The following NOVA1 variants were observed in gnomAD, a reference collection of about 807,000 sequenced individuals.
The protein encoded by NOVA1 is NOVA alternative splicing regulator 1, also known as RNA-binding protein Nova-1.
NOVA1 carries 7 observed loss-of-function variants against 38.0 expected under a neutral mutation model. The ratio of observed to expected loss-of-function variants is 0.18; its 90% CI spans 0.10 to 0.35. NOVA1 has a LOEUF of 0.35. Ranked by LOEUF, NOVA1 falls within the 10% of genes least tolerant of loss-of-function variation. NOVA1 has a pLI of 1.00. For missense variants in NOVA1, 460 were observed against 616.0 expected (o/e 0.75, Z 2.68); for synonymous variants, 270 against 232.5 (o/e 1.16, Z -1.47).
chr14:26,454,929 A>C (rs1006187430), intron 4 of NOVA1, among the ~76,000 whole-genome samples: 1 of 152,172 alleles, frequency 6.6e-6, no homozygotes, highest in Non-Finnish European at 1.5e-5. Context: ...ATTTTGGGGA[A>C]TCTACATTGA....
intron 1 of NOVA1, chr14:26,596,965 C>T: frequency 1.6e-6 from 2 of 1,213,350 alleles, no homozygotes; most frequent in Non-Finnish European, 2.1e-6. Flanking sequence ...GGTCATCCTC[C>T]TCCTCCTCCT....
chr14:26,466,982 T>TA (rs544875279), intron 4 of NOVA1, among the ~76,000 whole-genome samples: 136 of 152,290 alleles, frequency 8.9e-4, no homozygotes, highest in Non-Finnish European at 1.7e-3. Context: ...GGTATTCTGT[T>TA]ACAGCAGCAC....
chr14:26,458,909 G>C (rs1019373507), intron 4 of NOVA1, among the ~76,000 whole-genome samples: 1 of 152,046 alleles, frequency 6.6e-6, no homozygotes, highest in Non-Finnish European at 1.5e-5. Context: ...TAAGTGTTTA[G>C]AAGTCAAAAG....
At chr14:26,474,023 C>T (rs978404036) in intron 3 of NOVA1, among the ~76,000 whole-genome samples, 2 of 152,044 alleles carry the variant, frequency 1.3e-5, no homozygotes, top group Admixed American at 1.3e-4. Flanking sequence ...TGACTCCATG[C>T]TATGATTGTT....
At chr14:26,463,566 G>A (rs1484511883) in intron 4 of NOVA1, among the ~76,000 whole-genome samples, 1 of 152,074 alleles carries the variant, frequency 6.6e-6, no homozygotes, top group Non-Finnish European at 1.5e-5. Context: ...TTGTATAGCC[G>A]TGATACGAAT....
At chr14:26,496,846 G>A (rs1384896674) in intron 2 of NOVA1, among the ~76,000 whole-genome samples, 1 of 152,040 alleles carries the variant, frequency 6.6e-6, no homozygotes, top group Non-Finnish European at 1.5e-5. Flanking sequence ...CTGTTCCATT[G>A]ATCTATATCT....
intron 2 of NOVA1, among the ~76,000 whole-genome samples, chr14:26,493,533 T>C (rs1329915313): frequency 3.9e-5 from 6 of 152,200 alleles, no homozygotes; most frequent in African/African-American, 7.2e-5. Context: ...GTGATCCCTG[T>C]CAGGTATATT....
intron 2 of NOVA1, among the ~76,000 whole-genome samples, chr14:26,550,991 T>A (rs748864203): frequency 2.0e-5 from 3 of 152,078 alleles, no homozygotes; most frequent in Non-Finnish European, 4.4e-5. Context: ...TTAAAAGACA[T>A]AGACCAGAGA....
chr14:26,486,555 A>T (rs1399055292), intron 2 of NOVA1, among the ~76,000 whole-genome samples: 1 of 151,774 alleles, frequency 6.6e-6, no homozygotes, highest in Non-Finnish European at 1.5e-5. Context: ...TAAAAATACA[A>T]AAAATTAGCC....
intron 2 of NOVA1, among the ~76,000 whole-genome samples, chr14:26,579,768 G>A (rs556459839): frequency 2.0e-5 from 3 of 152,124 alleles, no homozygotes; most frequent in South Asian, 2.1e-4. Context: ...TGAAAGATAC[G>A]TTTAGTAGAA....
chr14:26,474,384 C>T (rs1026882794), intron 3 of NOVA1, among the ~76,000 whole-genome samples: 2 of 151,818 alleles, frequency 1.3e-5, no homozygotes, highest in African/African-American at 4.8e-5. Context: ...TGCAAAGAAC[C>T]ATGTAGAAAA....
Position 26,448,150 on chromosome 14 carries a change from C to G in NOVA1, c.1333G>C (p.Val445Leu), listed in dbSNP as rs1216571122. The change falls in exon 5 of 5, where the codon GTG becomes CTG. Residue 445 changes from valine (V) to leucine (L), a missense_variant. Transcript: ENST00000539517. This position sits in a 1 kb window ranked among gnomAD's most constrained non-coding sequence, Gnocchi z 5.3. ...GCACCAGTCAACTCCTGGTATTCCA[C>G]TAATGTTTTCCCTCCTTTGCCAAGT... ...AILGKGGKTLVEYQELTGARI... is the reference protein window; with the variant it reads ...AILGKGGKTLLEYQELTGARI... 2 of 1,614,192 alleles carry G rather than the reference C, an allele frequency of 1.2e-6. No individual in the cohort carries two copies. Among genetic ancestry groups the G allele is most frequent in the Non-Finnish European group, 1.7e-6 (2 of 1,180,020 alleles).
chr14:26,588,038 C>A (rs575877238), intron 2 of NOVA1, among the ~76,000 whole-genome samples: 1 of 151,150 alleles, frequency 6.6e-6, no homozygotes, highest in East Asian at 1.9e-4. Context: ...GATTTGAAAT[C>A]TTTTTAATTA....
chr14:26,586,725 A>T (rs1406663106), intron 2 of NOVA1, among the ~76,000 whole-genome samples: 4 of 151,196 alleles, frequency 2.6e-5, no homozygotes, highest in African/African-American at 9.7e-5. Context: ...ACTTTCAAAC[A>T]GTATAATTAA....
chr14:26,565,092 T>G (rs1445452496), intron 2 of NOVA1, among the ~76,000 whole-genome samples: 4 of 152,122 alleles, frequency 2.6e-5, no homozygotes, highest in Non-Finnish European at 5.9e-5. Flanking sequence ...AGGAGTCCTG[T>G]AAATTTGAAA....
intron 2 of NOVA1, among the ~76,000 whole-genome samples, chr14:26,509,958 G>C (rs934912402): frequency 2.0e-5 from 3 of 152,168 alleles, no homozygotes; most frequent in Non-Finnish European, 2.9e-5. Flanking sequence ...GGGATTATAG[G>C]CATGAGCCAC....
intron 2 of NOVA1, chr14:26,549,834 T>C: frequency 1.1e-6 from 1 of 893,510 alleles, no homozygotes; most frequent in Non-Finnish European, 1.6e-6. Flanking sequence ...CAGAAGTGGC[T>C]GCAATTCGGT....
intron 2 of NOVA1, among the ~76,000 whole-genome samples, chr14:26,538,632 T>C (rs1890263236): frequency 6.6e-6 from 1 of 152,122 alleles, no homozygotes; most frequent in African/African-American, 2.4e-5. Context: ...CAAGACACCA[T>C]AATTTCTAGC....
chr14:26,548,353 G>T (rs1300256842), intron 2 of NOVA1, among the ~76,000 whole-genome samples: 1 of 151,792 alleles, frequency 6.6e-6, no homozygotes, highest in Non-Finnish European at 1.5e-5. Context: ...TTTTTTATCT[G>T]CTTTGACTAA....
Sources: gnomAD v4.1 joint callset for allele counts (sites outside exome capture counted in the v4.1 genomes callset) on GRCh38, gnomAD v4.1.1 for gene constraint, Gnocchi (gnomAD v3.1) non-coding constraint, MANE v1.5 for transcripts, NCBI Gene and HGNC (gene_info 2026-07-23, HGNC 2026-07-21) for gene names.